Variants in NLRC5 observed in about 807,000 individuals in gnomAD.
The protein encoded by NLRC5 is protein NLRC5.
NLRC5 carries 114 observed loss-of-function variants against 206.9 expected under a neutral mutation model. That is an observed-to-expected ratio of 0.55 (90% CI 0.47 to 0.64). NLRC5 has a LOEUF of 0.64. NLRC5 is among the 30% of genes least tolerant of loss of function. The pLI is 0.00. For synonymous variants in NLRC5, 952 were observed against 962.8 expected (o/e 0.99, Z 0.21); for missense variants, 2,008 against 2,305.5 (o/e 0.87, Z 2.64).
rs1385771994 is a variant in NLRC5 at position 57,031,410 on chromosome 16, G to A, written c.2424G>A (p.Ala808=). The change falls in exon 11 of 49, where the codon GCG becomes GCA. Residue 808 remains alanine (A), a synonymous_variant. Transcript: ENST00000688547. ...PTVRMLQARE[A]DLIFLLSPPT... ...TTGGTATCTGATCCTGCAGGGAGGC[G>A]GACCTCATCTTCCTTCTTTCCCCGC... is the stretch of plus-strand genomic sequence containing the variant. 4.2e-5 allele frequency: 67 copies of A among 1,613,668 alleles called. No individual in the cohort carries two copies. The highest frequency in any genetic ancestry group is 1.8e-4 in the Admixed American group (11 of 59,972).
chr16:57,024,738 G>A (rs144346764), intron 5 of NLRC5, among the ~76,000 whole-genome samples: 30 of 152,238 alleles, frequency 2.0e-4, no homozygotes, highest in African/African-American at 6.7e-4. Context: ...AGCTGGGCGC[G>A]GTGGCTCACA....
intron 23 of NLRC5, among the ~76,000 whole-genome samples, chr16:57,049,167 T>C (rs894093551): frequency 5.9e-5 from 9 of 151,862 alleles, no homozygotes; most frequent in African/African-American, 1.9e-4. Context: ...AGTTTACGAA[T>C]TTTTGTTAGG....
At position 57,023,794 on chromosome 16, in the gene NLRC5, G is replaced by A. The variant is rs778759493; in HGVS notation, c.365G>A (p.Arg122His). The change falls in exon 5 of 49, where the codon CGC (arginine) becomes CAC (histidine). Residue 122 changes from arginine to histidine, a missense_variant. Coordinates refer to ENST00000688547, the MANE Select transcript of NLRC5 (RefSeq NM_001384950.1). ...TCCTTTGCTTTTTCAGGCCTGAAGC[G>A]CCCACATCAGAGCTGTGGGTCCTCA... ...PESQLHHGLK[R>H]PHQSCGSSPR... is the part of the protein sequence containing the mutation. 1.5e-5 allele frequency: 24 copies of A among 1,611,340 alleles called. No individual in the cohort carries two copies. The highest frequency in any genetic ancestry group is 4.0e-5 in the African/African-American group (3 of 74,898).
chr16:57,064,644 C>T (rs2066895422), intron 32 of NLRC5, among the ~76,000 whole-genome samples: 2 of 152,056 alleles, frequency 1.3e-5, no homozygotes, highest in African/African-American at 2.4e-5. Flanking sequence ...ATATCAGTGG[C>T]CCAGTGCAGT....
At chr16:57,039,007 TTAA>T (rs1173947508) in intron 15 of NLRC5, among the ~76,000 whole-genome samples, 2 of 152,000 alleles carry the variant, frequency 1.3e-5, no homozygotes, top group Non-Finnish European at 2.9e-5. Context: ...TGATCAAGTA[TTAA>T]TAATTATTTG....
At chr16:57,082,249 G>A (rs1248137442) in intron 48 of NLRC5, among the ~76,000 whole-genome samples, 168 bp from the exon 49 acceptor site, 9 of 152,178 alleles carry the variant, frequency 5.9e-5, no homozygotes, top group Admixed American at 5.9e-4. Context: ...CAGGAGGCAG[G>A]TGTGGGGTAC....
intron 40 of NLRC5, 95 bp from the exon 41 acceptor site, chr16:57,077,201 C>A: frequency 8.7e-7 from 1 of 1,146,166 alleles, no homozygotes; most frequent in Non-Finnish European, 1.3e-6. Flanking sequence ...AGTCGAGGCC[C>A]TTCCTGGGAC....
At chr16:57,058,298 CT>C in intron 28 of NLRC5, 150 bp downstream of exon 28, 1 of 643,890 alleles carries the variant, frequency 1.6e-6, no homozygotes, top group East Asian at 2.8e-5. Context: ...CTTGCCTTCA[CT>C]CCCCTGGCCT....
chr16:57,083,042 A>G lies in NLRC5; in HGVS notation c.*514A>G, dbSNP rs1214613351. ...TTTTAAAGCAAATACATATTTATAGATTGTGTGTATGGAGCAGCTAAGTCA... is the reference window on the plus strand; with the variant it reads ...TTTTAAAGCAAATACATATTTATAGGTTGTGTGTATGGAGCAGCTAAGTCA... On this transcript the variant is annotated 3_prime_UTR_variant, in exon 49 of 49. Transcript: ENST00000688547. 5 of 152,522 alleles carry G rather than the reference A, an allele frequency of 3.3e-5. No individual in the cohort carries two copies. Among genetic ancestry groups the G allele is most frequent in the African/African-American group, 1.2e-4 (5 of 41,472 alleles). 9.4% of individuals were successfully genotyped at this position (152,522 alleles called of 1,614,324 possible).
intron 1 of NLRC5, among the ~76,000 whole-genome samples, chr16:57,000,513 T>TC (rs1452343396): frequency 3.3e-5 from 5 of 151,966 alleles, no homozygotes; most frequent in African/African-American, 1.2e-4. Context: ...GAGTGCAGGC[T>TC]CAGGAACATC....
At chr16:57,063,106 CTTTTTTTTTTTTT>C (rs34897333) in intron 32 of NLRC5, among the ~76,000 whole-genome samples, 1 of 95,068 alleles carries the variant, frequency 1.1e-5, no homozygotes, top group Non-Finnish European at 1.9e-5. Flanking sequence ...ACTTTCCTTC[CTTTTTTTTTTTTT>C]TTTTTTTTTT....
chr16:57,056,727 C>G lies in NLRC5; in HGVS notation c.3746+1208C>G, dbSNP rs544649490. Among the ~76,000 whole-genome samples, 4 of 151,880 alleles carry G rather than the reference C, an allele frequency of 2.6e-5. No individual in the cohort carries two copies. The East Asian group carries it at 7.8e-4, about 30-fold the overall frequency. ...AGGCTGGAATGCAGTGGCGCAATTTCGGCTCACTGCAACTTCCGCCTCCCA... is the reference window on the plus strand; with the variant it reads ...AGGCTGGAATGCAGTGGCGCAATTTGGGCTCACTGCAACTTCCGCCTCCCA... On this transcript the variant is annotated intron_variant, in intron 27 of 48. Transcript: ENST00000688547.
intron 32 of NLRC5, among the ~76,000 whole-genome samples, chr16:57,063,504 G>T (rs2144731293): frequency 6.6e-6 from 1 of 152,198 alleles, no homozygotes; most frequent in East Asian, 1.9e-4. Flanking sequence ...CACTTGGGTT[G>T]TCCATTCAAG....
intron 38 of NLRC5, among the ~76,000 whole-genome samples, chr16:57,071,847 G>A (rs1395661975): frequency 1.3e-5 from 2 of 151,952 alleles, no homozygotes; most frequent in Middle Eastern, 6.3e-3. Flanking sequence ...GAGTGAGTGA[G>A]GGGTGATGGT....
chr16:57,016,706 G>A (rs944012316), intron 1 of NLRC5, among the ~76,000 whole-genome samples: 2 of 152,230 alleles, frequency 1.3e-5, no homozygotes, highest in Admixed American at 1.3e-4. Flanking sequence ...GGCATCTGCA[G>A]TAAGGATTAT....
chr16:57,025,603 C>T lies in NLRC5; in HGVS notation c.660C>T (p.Gly220=). 1.9e-6 allele frequency: 3 copies of T among 1,614,148 alleles called. No homozygotes were observed. The highest frequency in any genetic ancestry group is 1.7e-6 in the Non-Finnish European group (2 of 1,180,018). The change falls in exon 6 of 49, where the codon GGC becomes GGT. Residue 220 remains glycine (G), a synonymous_variant. Coordinates refer to ENST00000688547, the MANE Select transcript of NLRC5 (RefSeq NM_001384950.1). The part of the protein sequence containing the change: ...SDLFNTRVNK[G]PRVTVLLGKA... ...TCTTCAACACCAGGGTTAACAAGGG[C>T]CCGAGGGTGACCGTGCTTTTGGGGA...
Position 57,077,798 on chromosome 16 carries a change from T to G in NLRC5, c.4999T>G (p.Leu1667Val). 2 of 1,598,980 alleles carry G rather than the reference T, an allele frequency of 1.3e-6. No homozygotes were observed. The highest frequency in any genetic ancestry group is 1.7e-6 in the Non-Finnish European group (2 of 1,171,256). The change falls in exon 42 of 49, where the codon TTG becomes GTG. Residue 1667 changes from leucine to valine, a missense_variant. By Grantham distance (32) the Leu-to-Val change is conservative (BLOSUM62 1). Coordinates refer to ENST00000688547, the MANE Select transcript of NLRC5 (RefSeq NM_001384950.1). ...CGTTCTTTGCAGGCGCCTGGAGGAG[T>G]TGATGTGAGTGTCTGCCCAGGTGGC... ...SLVLCRRLEE[L>V]MLGCNALGDP...
At chr16:57,066,419 A>G in intron 33 of NLRC5, 115 bp from the exon 34 acceptor site, 1 of 825,906 alleles carries the variant, frequency 1.2e-6, no homozygotes, top group Non-Finnish European at 2.0e-6. Flanking sequence ...CTGGCAGGGG[A>G]GAAGGGGACC....
At chr16:57,045,655 C>A (rs141101417) in intron 21 of NLRC5, among the ~76,000 whole-genome samples, 163 bp downstream of exon 21, 3 of 152,176 alleles carry the variant, frequency 2.0e-5, no homozygotes, top group Admixed American at 6.5e-5. Context: ...CACCGCCCCC[C>A]CCATAAATTG....
Sources: allele counts gnomAD v4.1 joint callset (sites outside exome capture counted in the v4.1 genomes callset), GRCh38; gene constraint gnomAD v4.1.1; transcripts MANE v1.5; gene names NCBI Gene and HGNC (gene_info 2026-07-23, HGNC 2026-07-21).